The following GPC5 variants were observed in gnomAD, a reference collection of about 807,000 sequenced individuals.
GPC5 encodes the protein glypican 5, also known as glypican-5.
In GPC5, 47 loss-of-function variants were observed where a neutral mutation model predicts 53.9. That is an observed-to-expected ratio of 0.87 (90% CI 0.69 to 1.11). GPC5 has a LOEUF of 1.11. Ranked by LOEUF, GPC5 falls within the 50% of genes most tolerant of loss-of-function variation. GPC5 has a pLI of 0.00. For missense variants in GPC5, 748 were observed against 713.1 expected (o/e 1.05, Z -0.56); for synonymous variants, 286 against 263.3 (o/e 1.09, Z -0.84).
At chr13:92,493,102 G>A (rs17436336) in intron 7 of GPC5, among the ~76,000 whole-genome samples, 30,640 of 152,028 alleles carry the variant, frequency 0.2, 3,113 homozygotes, top group South Asian at 0.22. Flanking sequence ...AGACTCAACA[G>A]GTTCATGACA....
intron 7 of GPC5, among the ~76,000 whole-genome samples, chr13:92,765,404 G>A (rs192979116): frequency 1.3e-4 from 20 of 152,164 alleles, no homozygotes; most frequent in East Asian, 1.9e-4. Context: ...TTCTTAATTC[G>A]TTGCAAGTTT....
intron 2 of GPC5, among the ~76,000 whole-genome samples, chr13:91,590,339 A>G (rs1316865188): frequency 6.6e-6 from 1 of 152,046 alleles, no homozygotes; most frequent in Non-Finnish European, 1.5e-5. Flanking sequence ...AAGATCTTCA[A>G]ATTATTCCCC....
chr13:92,597,420 G>C (rs766562681), intron 7 of GPC5, among the ~76,000 whole-genome samples: 1 of 152,064 alleles, frequency 6.6e-6, no homozygotes, highest in African/African-American at 2.4e-5. Flanking sequence ...TGCATCCTTC[G>C]AAGAGACTGT....
intron 7 of GPC5, among the ~76,000 whole-genome samples, chr13:92,592,151 G>T (rs1483387451): frequency 6.6e-6 from 1 of 152,202 alleles, no homozygotes; most frequent in Admixed American, 6.5e-5. Context: ...GTCAACCCAT[G>T]TAACCTTCGC....
At chr13:91,609,346 G>GATAGAACT (rs1053580046) in intron 2 of GPC5, among the ~76,000 whole-genome samples, 6 of 152,054 alleles carry the variant, frequency 3.9e-5, no homozygotes, top group Non-Finnish European at 7.4e-5. Context: ...CAACAAATGG[G>GATAGAACT]ATAGAACTGT....
chr13:92,825,820 G>A (rs1877827475), intron 7 of GPC5, among the ~76,000 whole-genome samples: 2 of 152,012 alleles, frequency 1.3e-5, no homozygotes, highest in Admixed American at 1.3e-4. Flanking sequence ...ATGGAATTAT[G>A]CTATAGATTG....
At chr13:91,708,980 G>T (rs974469384) in intron 3 of GPC5, among the ~76,000 whole-genome samples, 2 of 152,130 alleles carry the variant, frequency 1.3e-5, no homozygotes, top group African/African-American at 4.8e-5. Flanking sequence ...TTTCCCCACG[G>T]ATGCTCAACT....
At chr13:91,538,684 G>T (rs979174549) in intron 2 of GPC5, among the ~76,000 whole-genome samples, 1 of 148,624 alleles carries the variant, frequency 6.7e-6, no homozygotes, top group Non-Finnish European at 1.5e-5. Context: ...CCGGATTCAC[G>T]CCCTTCTCTT....
intron 7 of GPC5, among the ~76,000 whole-genome samples, chr13:92,815,557 T>G (rs1877442596): frequency 1.3e-5 from 2 of 151,986 alleles, no homozygotes; most frequent in Middle Eastern, 6.8e-3. Context: ...CTATATATGA[T>G]CTGACACCAG....
chr13:91,571,889 G>GTGTGTA lies in GPC5; in HGVS notation c.326-121295_326-121294insGTATGT, dbSNP rs1221496402. Among the ~76,000 whole-genome samples the GTGTGTA allele has an allele frequency of 3.2e-3, 229 of 70,658 alleles. 55 individuals are homozygous for GTGTGTA. The highest frequency in any genetic ancestry group is 0.016 in the African/African-American group (214 of 13,274). 46.4% of individuals were successfully genotyped at this position (70,658 alleles called of 152,430 possible). Reference sequence around the variant, plus strand: ...TGTGTATATATACACACATATACGTGTGTATATACACATATTGTATATATA... The same window carrying GTGTGTA: ...TGTGTATATATACACACATATACGTGTGTGTATGTATATACACATATTGTATATATA... On this transcript the variant is annotated intron_variant, in intron 2 of 7. Coordinates refer to ENST00000377067, the MANE Select transcript of GPC5 (RefSeq NM_004466.6).
chr13:92,381,094 T>A (rs1423539845), intron 7 of GPC5, among the ~76,000 whole-genome samples: 1 of 152,194 alleles, frequency 6.6e-6, no homozygotes, highest in African/African-American at 2.4e-5. Flanking sequence ...AATATTTTAA[T>A]GTGAACACAG....
At chr13:92,424,095 A>C (rs1876713773) in intron 7 of GPC5, among the ~76,000 whole-genome samples, 1 of 152,128 alleles carries the variant, frequency 6.6e-6, no homozygotes, top group Admixed American at 6.6e-5. Flanking sequence ...TGAGAAATGT[A>C]TGAATGTTTC....
intron 5 of GPC5, among the ~76,000 whole-genome samples, chr13:91,882,165 T>A (rs2039271206): frequency 6.6e-6 from 1 of 152,170 alleles, no homozygotes; most frequent in Admixed American, 6.5e-5. Context: ...TGTTTTAACT[T>A]TCTCTTAATT....
intron 7 of GPC5, among the ~76,000 whole-genome samples, chr13:92,759,195 A>ATT (rs113778146): frequency 2.0e-4 from 29 of 143,770 alleles, no homozygotes; most frequent in Middle Eastern, 3.3e-3. Flanking sequence ...TAATACCTCC[A>ATT]TTTTTTTTTT....
chr13:92,242,740 T>C (rs1280609554), intron 7 of GPC5, among the ~76,000 whole-genome samples: 3 of 152,162 alleles, frequency 2.0e-5, no homozygotes, highest in African/African-American at 7.2e-5. Flanking sequence ...ATGCATCATA[T>C]ACAAAAATTA....
intron 7 of GPC5, among the ~76,000 whole-genome samples, chr13:92,439,483 G>A (rs933257537): frequency 1.3e-5 from 2 of 152,018 alleles, no homozygotes; most frequent in African/African-American, 4.8e-5. Context: ...TATTCTCTGG[G>A]TGTCAATTTC....
chr13:92,485,762 G>A (rs1397297927), intron 7 of GPC5, among the ~76,000 whole-genome samples: 1 of 152,312 alleles, frequency 6.6e-6, no homozygotes, highest in East Asian at 1.9e-4. Context: ...GATCACCTGA[G>A]GTCAGGAGCT....
intron 7 of GPC5, among the ~76,000 whole-genome samples, chr13:92,771,211 G>A (rs1361060268): frequency 5.9e-5 from 9 of 152,084 alleles, no homozygotes; most frequent in Non-Finnish European, 1.3e-4. Context: ...GGAGTGAGAA[G>A]AGCTTCCTTG....
chr13:91,857,978 TTA>T (rs932220100), intron 5 of GPC5, among the ~76,000 whole-genome samples: 4 of 151,534 alleles, frequency 2.6e-5, no homozygotes, highest in African/African-American at 4.8e-5. Context: ...CAGTTAATTA[TTA>T]TATATATATC....
Sources: allele counts gnomAD v4.1 joint callset (sites outside exome capture counted in the v4.1 genomes callset), GRCh38; gene constraint gnomAD v4.1.1; transcripts MANE v1.5; gene names NCBI Gene and HGNC (gene_info 2026-07-23, HGNC 2026-07-21).